Variants in CNTN6 observed in about 807,000 individuals in gnomAD.
CNTN6 encodes the protein contactin-6.
Under a neutral mutation model 122.8 loss-of-function variants are expected in CNTN6, and 137 were observed. That is an observed-to-expected ratio of 1.12 (90% confidence interval 0.97 to 1.29). CNTN6 has a LOEUF of 1.29. Ranked by LOEUF, CNTN6 falls within the 50% of genes most tolerant of loss-of-function variation. The pLI, the probability that CNTN6 is intolerant of heterozygous loss-of-function variation, is 0.00. For synonymous variants in CNTN6, 570 were observed against 426.0 expected, an observed-to-expected ratio of 1.34 and a Z score of -4.16; for missense variants, 1,634 against 1,223.4, an observed-to-expected ratio of 1.34 and a Z score of -5.01.
chr3:1,197,942 C>T (rs1280611031), intron 2 of CNTN6, among the ~76,000 whole-genome samples: 2 of 152,104 alleles, frequency 1.3e-5, no homozygotes, highest in African/African-American at 4.8e-5. Context: ...GTTTCCAATA[C>T]TTCACATTAA....
At chr3:1,328,622 A>C (rs1168525809) in intron 10 of CNTN6, among the ~76,000 whole-genome samples, 2 of 151,868 alleles carry the variant, frequency 1.3e-5, no homozygotes, top group Admixed American at 6.6e-5. Context: ...AGGAGTTGCT[A>C]TCGTTGCACA....
chr3:1,301,284 C>G (rs1241219286), intron 7 of CNTN6, among the ~76,000 whole-genome samples: 3 of 152,098 alleles, frequency 2.0e-5, no homozygotes, highest in Admixed American at 6.5e-5. Context: ...CTCCACCCAT[C>G]TTGGCCTCCC....
intron 4 of CNTN6, among the ~76,000 whole-genome samples, chr3:1,229,325 C>T (rs910790616): frequency 2.0e-5 from 3 of 152,112 alleles, no homozygotes; most frequent in African/African-American, 7.2e-5. Flanking sequence ...AACGATTCTG[C>T]CACAGTAATT....
At chr3:1,202,444 G>T (rs977476601) in intron 2 of CNTN6, among the ~76,000 whole-genome samples, 3 of 150,740 alleles carry the variant, frequency 2.0e-5, no homozygotes, top group African/African-American at 7.3e-5. Context: ...GGAGGCTGAG[G>T]CGGGAGAATG....
chr3:1,368,676 A>T (rs1708565097), intron 12 of CNTN6, among the ~76,000 whole-genome samples: 1 of 152,198 alleles, frequency 6.6e-6, no homozygotes, highest in Non-Finnish European at 1.5e-5. Context: ...GGAGAAAATT[A>T]TATAATCAAT....
intron 4 of CNTN6, among the ~76,000 whole-genome samples, chr3:1,272,354 A>C (rs1291172087): frequency 6.6e-6 from 1 of 152,200 alleles, no homozygotes; most frequent in Non-Finnish European, 1.5e-5. Flanking sequence ...CTCCTTCGCT[A>C]AATGAAAGTG....
intron 7 of CNTN6, among the ~76,000 whole-genome samples, chr3:1,315,879 G>C (rs1014536234): frequency 1.3e-5 from 2 of 151,866 alleles, no homozygotes; most frequent in African/African-American, 4.8e-5. Context: ...ACTCATGCTT[G>C]TGTAGCCGTT....
At chr3:1,387,714 G>A (rs62229461) in intron 20 of CNTN6, among the ~76,000 whole-genome samples, 40,286 of 152,070 alleles carry the variant, frequency 0.26, 5,836 homozygotes, top group East Asian at 0.62. Flanking sequence ...CGCACCGTGC[G>A]CAAGCCGAAG....
intron 12 of CNTN6, among the ~76,000 whole-genome samples, chr3:1,360,362 A>G (rs1260799981): frequency 6.6e-6 from 1 of 152,070 alleles, no homozygotes; most frequent in Non-Finnish European, 1.5e-5. Context: ...CAACTATTAC[A>G]CTGGGCATTT....
chr3:1,264,120 T>C (rs1559646986), intron 4 of CNTN6, among the ~76,000 whole-genome samples: 1 of 152,210 alleles, frequency 6.6e-6, no homozygotes, highest in East Asian at 1.9e-4. Flanking sequence ...TATGGGGCTT[T>C]AAGTAATTTA....
chr3:1,278,511 A>T lies in CNTN6; in HGVS notation c.454+3A>T, dbSNP rs1355819798. The stretch of plus-strand genomic sequence containing the variant: ...TGGCCCACCGCCACATTTTGGAGGT[A>T]TGATGGGGTGATTTGGGTCATATCA... On this transcript the variant is annotated splice_donor_region_variant and intron_variant, in intron 5 of 22. Coordinates refer to ENST00000446702, the MANE Select transcript of CNTN6 (RefSeq NM_001289080.2). The T allele has an allele frequency of 1.2e-6, 2 of 1,608,162 alleles. No homozygotes were observed. Among genetic ancestry groups the T allele is most frequent in the Non-Finnish European group, 1.7e-6 (2 of 1,175,452 alleles).
chr3:1,230,016 C>T (rs1056813102), intron 4 of CNTN6, among the ~76,000 whole-genome samples: 3 of 152,036 alleles, frequency 2.0e-5, no homozygotes, highest in Non-Finnish European at 4.4e-5. Flanking sequence ...GAGACATGTG[C>T]GAGAGTGTGG....
chr3:1,303,243 A>G (rs1697740279), intron 7 of CNTN6, among the ~76,000 whole-genome samples: 1 of 152,140 alleles, frequency 6.6e-6, no homozygotes, highest in Non-Finnish European at 1.5e-5. Context: ...TTAAATCCTC[A>G]GCCTGATAGT....
chr3:1,235,178 T>C (rs2094405470), intron 4 of CNTN6, among the ~76,000 whole-genome samples: 1 of 152,136 alleles, frequency 6.6e-6, no homozygotes, highest in South Asian at 2.1e-4. Context: ...TTGAATAAAA[T>C]TGTGCAGGCT....
In CNTN6 at chr3:1,385,599, T is replaced by TTTAA; in HGVS notation, c.2518-8_2518-5dup. On this transcript the variant is annotated splice_polypyrimidine_tract_variant and intron_variant, in intron 19 of 22. Transcript: ENST00000446702. ...GAACAATAAATTGCTTGTTTTGGTT[T>TTTAA]TTAATTATCAGGTCTTATACTGGAC... 6.3e-7 allele frequency: 1 copy of TTTAA among 1,575,160 alleles called. No homozygotes were observed. The highest frequency in any genetic ancestry group is 8.6e-7 in the Non-Finnish European group (1 of 1,164,400).
At position 1,403,770 on chromosome 3, in the gene CNTN6, C is replaced by G. The variant is rs527424549; in HGVS notation, c.*352C>G. ...TCCTAGTTACCATAACTCACATGTACATTTTTATGTATTCCAGACAATCAC... is the reference window on the plus strand; with the variant it reads ...TCCTAGTTACCATAACTCACATGTAGATTTTTATGTATTCCAGACAATCAC... On this transcript the variant is annotated 3_prime_UTR_variant, in exon 23 of 23. Transcript: ENST00000446702. The G allele has an allele frequency of 6.3e-6, 1 of 158,706 alleles. No individual in the cohort carries two copies. Among genetic ancestry groups the G allele is most frequent in the Admixed American group, 6.5e-5 (1 of 15,484 alleles). The allele number at this position is 158,706 out of a possible 1,614,324, so 9.8% of individuals were successfully genotyped here.
intron 7 of CNTN6, among the ~76,000 whole-genome samples, chr3:1,317,276 A>G (rs972700844): frequency 6.6e-6 from 1 of 151,772 alleles, no homozygotes; most frequent in African/African-American, 2.4e-5. Context: ...TCTAGAGCAC[A>G]CACTATAATA....
intron 4 of CNTN6, among the ~76,000 whole-genome samples, chr3:1,257,055 A>T (rs2094771023): frequency 6.6e-6 from 1 of 152,150 alleles, no homozygotes; most frequent in South Asian, 2.1e-4. Context: ...GTATTGCTTA[A>T]TATGTACCCT....
chr3:1,394,703 T>A lies in CNTN6; in HGVS notation c.2705-6730T>A, dbSNP rs145223521. Among the ~76,000 whole-genome samples the A allele has an allele frequency of 8.0e-3, 1,226 of 152,344 alleles. 16 individuals carry two copies. Among genetic ancestry groups the A allele is most frequent in the African/African-American group, 0.028 (1,163 of 41,578 alleles). On this transcript the variant is annotated intron_variant, in intron 20 of 22. Transcript: ENST00000446702. ...GTTTGTGCTAAATTATTCTATGTTT[T>A]TAAGCAGAAACAAATCCTTGTTTTT...
Sources: allele counts gnomAD v4.1 joint callset (sites outside exome capture counted in the v4.1 genomes callset), GRCh38; gene constraint gnomAD v4.1.1; transcripts MANE v1.5; gene names NCBI Gene and HGNC (gene_info 2026-07-23, HGNC 2026-07-21).